Variants in MALRD1 observed in about 807,000 individuals in gnomAD.
MALRD1 encodes the protein MAM and LDL-receptor class A domain-containing protein 1.
MALRD1 carries 247 observed loss-of-function variants against 242.1 expected under a neutral mutation model. The observed-to-expected ratio is 1.02, with a 90% CI of 0.92 to 1.13. The LOEUF (loss-of-function observed/expected upper bound fraction) is 1.13, where lower values mean the gene tolerates loss of function less well. Ranked by LOEUF, MALRD1 falls within the 50% of genes most tolerant of loss-of-function variation. The probability of loss-of-function intolerance (pLI) is 0.00; values close to 1 mark genes in which losing one functional copy is unlikely to be tolerated. For missense variants in MALRD1, 2,989 were observed against 2,533.1 expected (o/e 1.18, Z -3.86); for synonymous variants, 995 against 866.6 (o/e 1.15, Z -2.60).
intron 14 of MALRD1, among the ~76,000 whole-genome samples, chr10:19,183,763 A>G (rs188015236): frequency 6.6e-6 from 1 of 152,302 alleles, no homozygotes; most frequent in East Asian, 1.9e-4. Flanking sequence ...TTGCTCAAGA[A>G]CTGTTTGGGA....
intron 36 of MALRD1, among the ~76,000 whole-genome samples, chr10:19,639,940 A>C (rs953770976): frequency 1.3e-5 from 2 of 152,038 alleles, no homozygotes; most frequent in African/African-American, 4.8e-5. Flanking sequence ...ATGGAGATGG[A>C]GGTTAAGTCC....
intron 24 of MALRD1, among the ~76,000 whole-genome samples, chr10:19,338,423 C>G (rs182920017): frequency 1.4e-4 from 21 of 147,848 alleles, no homozygotes; most frequent in African/African-American, 5.5e-4. Flanking sequence ...AATCATACAA[C>G]ATGTAGCCTT....
Position 19,470,782 on chromosome 10 carries a change from A to ATT in MALRD1, c.5029+20299_5029+20300dup, listed in dbSNP as rs112023912. ...TGGCAATTTTTGCAAGTTAATTATTATTTTTTTTCTGTTGTATGAGCTACT... is the reference window on the plus strand; with the variant it reads ...TGGCAATTTTTGCAAGTTAATTATTATTTTTTTTTTCTGTTGTATGAGCTACT... On this transcript the variant is annotated intron_variant, in intron 29 of 39. Coordinates refer to ENST00000454679, the MANE Select transcript of MALRD1 (RefSeq NM_001142308.3). Among the ~76,000 whole-genome samples the ATT allele has an allele frequency of 1.5e-4, 23 of 151,358 alleles. No homozygotes were observed. In the East Asian group the frequency reaches 2.7e-3, roughly 18 times the overall value.
At chr10:19,228,984 GTGT>G (rs754390896) in intron 18 of MALRD1, among the ~76,000 whole-genome samples, 8 of 151,038 alleles carry the variant, frequency 5.3e-5, no homozygotes, top group Non-Finnish European at 7.4e-5. Flanking sequence ...TGCATGTGGT[GTGT>G]GTGTGTGTGT....
At chr10:19,447,996 A>C (rs1033517777) in intron 28 of MALRD1, among the ~76,000 whole-genome samples, 1 of 152,124 alleles carries the variant, frequency 6.6e-6, no homozygotes, top group African/African-American at 2.4e-5. Context: ...TTGTTTTGCA[A>C]AGTTAATTTT....
intron 32 of MALRD1, among the ~76,000 whole-genome samples, chr10:19,563,720 T>C (rs75837743): frequency 0.03 from 4,530 of 152,290 alleles, 151 homozygotes; most frequent in Non-Finnish European, 0.034. Flanking sequence ...TCATTGTCTT[T>C]CAAGGCCTTA....
At chr10:19,681,367 T>G (rs1303465831) in intron 36 of MALRD1, among the ~76,000 whole-genome samples, 1 of 152,150 alleles carries the variant, frequency 6.6e-6, no homozygotes, top group African/African-American at 2.4e-5. Flanking sequence ...TTTATTCTTT[T>G]TTCTCTCATC....
chr10:19,249,273 G>A (rs2131777931), intron 18 of MALRD1, among the ~76,000 whole-genome samples: 1 of 151,738 alleles, frequency 6.6e-6, no homozygotes, highest in South Asian at 2.1e-4. Flanking sequence ...TATAAATGTA[G>A]GTAGAAATCG....
At chr10:19,183,255 T>G (rs1835593982) in intron 14 of MALRD1, among the ~76,000 whole-genome samples, 1 of 152,054 alleles carries the variant, frequency 6.6e-6, no homozygotes, top group South Asian at 2.1e-4. Context: ...GGAGGTGAGG[T>G]AAAGACACAG....
intron 33 of MALRD1, 38 bp from the exon 34 acceptor site, chr10:19,595,156 C>G (rs1367712292): frequency 7.2e-6 from 11 of 1,525,180 alleles, no homozygotes; most frequent in Admixed American, 2.0e-5. Context: ...AGGGAAACTC[C>G]CTAATGCCAA....
intron 36 of MALRD1, among the ~76,000 whole-genome samples, chr10:19,672,796 C>A (rs952934381): frequency 3.9e-5 from 6 of 152,040 alleles, no homozygotes; most frequent in African/African-American, 1.4e-4. Context: ...TGAGAATTAC[C>A]TGTTTATTAA....
At chr10:19,724,347 T>C (rs1028229068) in intron 38 of MALRD1, among the ~76,000 whole-genome samples, 1 of 152,288 alleles carries the variant, frequency 6.6e-6, no homozygotes, top group East Asian at 1.9e-4. Flanking sequence ...ATAAAGTTAA[T>C]AGAAAACACT....
At chr10:19,087,789 T>G in intron 2 of MALRD1, 51 bp from the exon 3 acceptor site, 1 of 913,132 alleles carries the variant, frequency 1.1e-6, no homozygotes, top group Non-Finnish European at 1.4e-6. Context: ...ATAGTAGGTC[T>G]TATTCATTCT....
intron 28 of MALRD1, among the ~76,000 whole-genome samples, chr10:19,433,871 A>AACAC (rs144149293): frequency 1.3e-5 from 2 of 150,364 alleles, no homozygotes; most frequent in Non-Finnish European, 3.0e-5. Flanking sequence ...TTATATGGCA[A>AACAC]ACACACACAC....
chr10:19,693,447 C>A (rs1357509040), intron 38 of MALRD1, among the ~76,000 whole-genome samples: 2 of 151,926 alleles, frequency 1.3e-5, no homozygotes, highest in African/African-American at 4.8e-5. Context: ...AAACAGAGAG[C>A]CAAATCATGA....
At chr10:19,647,190 TG>T (rs1353359595) in intron 36 of MALRD1, among the ~76,000 whole-genome samples, 1 of 152,224 alleles carries the variant, frequency 6.6e-6, no homozygotes, top group Non-Finnish European at 1.5e-5. Context: ...CTGTTTTATC[TG>T]GAAAAAGTCA....
chr10:19,543,709 C>G (rs1316553657), intron 32 of MALRD1, among the ~76,000 whole-genome samples: 5 of 152,144 alleles, frequency 3.3e-5, no homozygotes, highest in African/African-American at 1.2e-4. Context: ...TAGCCAATCA[C>G]TAATCCACGT....
intron 14 of MALRD1, among the ~76,000 whole-genome samples, chr10:19,194,297 T>C (rs1035572286): frequency 6.6e-6 from 1 of 152,196 alleles, no homozygotes; most frequent in African/African-American, 2.4e-5. Flanking sequence ...TATGAATTAA[T>C]ACACAGTTAT....
intron 18 of MALRD1, among the ~76,000 whole-genome samples, chr10:19,257,378 C>T (rs985496286): frequency 3.9e-5 from 6 of 152,074 alleles, no homozygotes; most frequent in Admixed American, 2.6e-4. Flanking sequence ...AAATCTAGAA[C>T]TAATGGCTGA....
Sources: allele counts gnomAD v4.1 joint callset (sites outside exome capture counted in the v4.1 genomes callset), GRCh38; gene constraint gnomAD v4.1.1; transcripts MANE v1.5; gene names NCBI Gene and HGNC (gene_info 2026-07-23, HGNC 2026-07-21).